Variants in DNAH5 observed in about 807,000 individuals in gnomAD.
DNAH5 encodes dynein axonemal heavy chain 5.
In DNAH5, 372 loss-of-function variants were observed where a neutral mutation model predicts 518.2. The ratio of observed to expected loss-of-function variants is 0.72; its 90% CI spans 0.66 to 0.78. The LOEUF (loss-of-function observed/expected upper bound fraction) is 0.78, where lower values mean the gene tolerates loss of function less well. Ranked by LOEUF, DNAH5 falls within the 30% of genes least tolerant of loss-of-function variation. The pLI is 0.00. For synonymous variants in DNAH5, 2,039 were observed against 2,025.9 expected, an observed-to-expected ratio of 1.01 and a Z score of -0.17; for missense variants, 5,523 against 5,687.0, an observed-to-expected ratio of 0.97 and a Z score of 0.93.
intron 17 of DNAH5, among the ~76,000 whole-genome samples, chr5:13,889,885 C>G (rs116109799): frequency 2.0e-5 from 3 of 152,122 alleles, no homozygotes; most frequent in Non-Finnish European, 4.4e-5. Context: ...TGCTGAGTTC[C>G]GTGAGTCCTC....
At chr5:13,935,868 A>G (rs1483023798) in intron 1 of DNAH5, among the ~76,000 whole-genome samples, 2 of 152,320 alleles carry the variant, frequency 1.3e-5, no homozygotes, top group African/African-American at 4.8e-5. Context: ...TTAAGAAGGC[A>G]GGAGGTAAAC....
chr5:13,898,311 A>G (rs1774163621), intron 15 of DNAH5: 2 of 354,502 alleles, frequency 5.6e-6, no homozygotes, highest in Admixed American at 4.6e-5. Flanking sequence ...CTCTGCAAAT[A>G]CAATTAAATT....
At chr5:13,727,413 A>T in intron 70 of DNAH5, 94 bp downstream of exon 70, 2 of 1,242,902 alleles carry the variant, frequency 1.6e-6, no homozygotes, top group South Asian at 1.5e-5. Context: ...GAAAATTCTC[A>T]CTGGAATTCA....
rs373536906 is a variant in DNAH5, at chr5:13,718,886, A to T, written c.12495T>A (p.Tyr4165Ter). ...CGCAAGTATTTCTGGACTCACCACT[A>T]TATGTTCTTTTCAGTCCTGCCCGGA... ...QGLRAGLKRT[Y>*]SGVSQDLLDV... The change falls in exon 72 of 79, where the codon TAT becomes TAA. Residue 4165 changes from tyrosine (Y) to a stop codon, truncating the protein, a stop_gained. Transcript: ENST00000265104. LOFTEE classifies it high-confidence loss of function. The T allele has an allele frequency of 6.2e-7, 1 of 1,610,618 alleles. No individual in the cohort carries two copies. The highest frequency in any genetic ancestry group is 8.5e-7 in the Non-Finnish European group (1 of 1,176,960).
chr5:13,758,062 G>C lies in DNAH5; in HGVS notation c.10419+784C>G, dbSNP rs533220565. On this transcript the variant is annotated intron_variant, in intron 61 of 78. Transcript: ENST00000265104. ...TTAAGCCAAAAGCTTATATACTCTA[G>C]AGAGACCACTTTGTAAAAAAAAAAA... Among the ~76,000 whole-genome samples the C allele has an allele frequency of 1.2e-3, 178 of 149,852 alleles. 2 individuals are homozygous for C. The South Asian group carries it at 0.019, about 16-fold the overall frequency.
At chr5:13,821,945 C>A (rs1762288763) in intron 40 of DNAH5, among the ~76,000 whole-genome samples, 2 of 151,978 alleles carry the variant, frequency 1.3e-5, no homozygotes, top group South Asian at 4.1e-4. Flanking sequence ...TAGACATGCA[C>A]CACTGCACCA....
chr5:13,900,103 T>C, intron 15 of DNAH5, 103 bp downstream of exon 15: 1 of 1,092,760 alleles, frequency 9.2e-7, no homozygotes, highest in Non-Finnish European at 1.4e-6. Flanking sequence ...ACTCCATTCA[T>C]CCTGGCCACT....
At chr5:13,889,602 T>G (rs769888773) in intron 17 of DNAH5, among the ~76,000 whole-genome samples, 13 of 152,174 alleles carry the variant, frequency 8.5e-5, no homozygotes, top group Non-Finnish European at 1.8e-4. Context: ...CAATGTAGTT[T>G]ATGCTGAACA....
At chr5:13,832,798 A>G (rs141345446) in intron 35 of DNAH5, among the ~76,000 whole-genome samples, 1 of 152,166 alleles carries the variant, frequency 6.6e-6, no homozygotes, top group Non-Finnish European at 1.5e-5. Flanking sequence ...CAACAGCTAC[A>G]GGAATTAGAG....
Position 13,913,781 on chromosome 5 carries a change from T to A in DNAH5, c.1498A>T (p.Thr500Ser). ...GCCATGTCTTCCAGCCCTTCAATTG[T>A]GGAATCTTGCAGGACTGAATACGTC... ...LKTYSVLQDS[T>S]IEGLEDMATK... Residue 500 changes from threonine (T) to serine (S), a missense_variant, in exon 11 of 79, where the codon ACA becomes TCA. Thr to Ser is a moderately conservative substitution (Grantham distance 58). Transcript: ENST00000265104. 4 of 1,613,600 alleles carry A rather than the reference T, an allele frequency of 2.5e-6. No homozygotes were observed. Among genetic ancestry groups the A allele is most frequent in the Non-Finnish European group, 2.5e-6 (3 of 1,179,542 alleles).
intron 12 of DNAH5, among the ~76,000 whole-genome samples, chr5:13,905,994 C>T (rs949765347): frequency 2.0e-4 from 30 of 152,008 alleles, no homozygotes; most frequent in Non-Finnish European, 7.4e-5. Context: ...AAAATATAAA[C>T]GCATATCACT....
In DNAH5 at chr5:13,865,681, C is replaced by G; in HGVS notation, c.4342G>C (p.Glu1448Gln). The change falls in exon 27 of 79, where the codon GAA becomes CAA. Residue 1448 changes from glutamate (E) to glutamine (Q), a missense_variant. Coordinates refer to ENST00000265104, the MANE Select transcript of DNAH5 (RefSeq NM_001369.3). ...NIEKINNELL[E>Q]FQNRCRKLPR... ...TTAATTTCTTACCTGTTCTGGAATT[C>G]TAAGAGTTCATTGTTAATTTTTTCA... 6.4e-7 allele frequency: 1 copy of G among 1,572,380 alleles called. No homozygotes were observed. The highest frequency in any genetic ancestry group is 1.1e-5 in the South Asian group (1 of 90,154).
chr5:13,713,107 G>GTGTATATATA (rs70962100), intron 75 of DNAH5, among the ~76,000 whole-genome samples: 1,839 of 139,924 alleles, frequency 0.013, 80 homozygotes, highest in Admixed American at 0.084. Flanking sequence ...GTGTGTGTGT[G>GTGTATATATA]TATATATATA....
intron 1 of DNAH5, among the ~76,000 whole-genome samples, chr5:13,977,282 C>G (rs944633640): frequency 9.9e-5 from 15 of 152,164 alleles, no homozygotes; most frequent in African/African-American, 3.6e-4. Context: ...TTGCCCAGGA[C>G]ATCTCCCAGG....
At chr5:13,892,595 GT>G (rs1580773312) in intron 16 of DNAH5, among the ~76,000 whole-genome samples, 1 of 152,264 alleles carries the variant, frequency 6.6e-6, no homozygotes, top group East Asian at 1.9e-4. Context: ...AGAACAAGAA[GT>G]TTCTCTAGAA....
At chr5:13,757,771 A>G (rs1427252138) in intron 61 of DNAH5, among the ~76,000 whole-genome samples, 3 of 152,208 alleles carry the variant, frequency 2.0e-5, no homozygotes, top group Non-Finnish European at 2.9e-5. Flanking sequence ...TACTTCTTTA[A>G]AGCTTCCAAA....
rs557352290 is a variant in DNAH5, at chr5:13,939,792, G to A, written c.57+4590C>T. On this transcript the variant is annotated intron_variant, in intron 1 of 78. Transcript: ENST00000265104. Reference sequence around the variant, plus strand: ...AGGGCCACAGCTGCAGAGGAAGCACGGCACCTCCTTCCAGAATTAAGCGCA... The same window carrying A: ...AGGGCCACAGCTGCAGAGGAAGCACAGCACCTCCTTCCAGAATTAAGCGCA... 5.3e-5 allele frequency among the ~76,000 whole-genome samples: 8 copies of A among 152,206 alleles called. No individual in the cohort carries two copies. In the East Asian group the frequency reaches 9.7e-4, roughly 18 times the overall value.
chr5:13,869,805 A>AGTTTGTTTGTTT (rs113750616), intron 24 of DNAH5, among the ~76,000 whole-genome samples: 3 of 151,870 alleles, frequency 2.0e-5, no homozygotes, highest in South Asian at 2.1e-4. Flanking sequence ...GGGAAAAAAG[A>AGTTTGTTTGTTT]GTTTGTTTGT....
intron 28 of DNAH5, among the ~76,000 whole-genome samples, 183 bp downstream of exon 28, chr5:13,864,214 C>A (rs545568359): frequency 2.9e-4 from 44 of 152,278 alleles, no homozygotes; most frequent in African/African-American, 8.9e-4. Context: ...TTGTTATATC[C>A]TGATGCAGAA....
Sources: allele counts gnomAD v4.1 joint callset (sites outside exome capture counted in the v4.1 genomes callset), GRCh38; gene constraint gnomAD v4.1.1; transcripts MANE v1.5; gene names NCBI Gene and HGNC (gene_info 2026-07-23, HGNC 2026-07-21).